The following SUCLG1 variants were observed in gnomAD, a reference collection of about 807,000 sequenced individuals.
SUCLG1 encodes the protein succinate-CoA ligase GDP/ADP-forming subunit alpha.
A neutral mutation model predicts 37.3 loss-of-function variants in SUCLG1; 26 were observed. The observed-to-expected ratio is 0.70, with a 90% CI of 0.51 to 0.97. SUCLG1 has a LOEUF of 0.97. Ranked by LOEUF, SUCLG1 falls within the 50% of genes least tolerant of loss-of-function variation. SUCLG1 has a pLI of 0.00. For missense variants in SUCLG1, 433 were observed against 432.9 expected (o/e 1.00, Z 0.00); for synonymous variants, 163 against 155.6 (o/e 1.05, Z -0.36).
intron 7 of SUCLG1, chr2:84,426,413 A>C (rs1672536292): frequency 6.6e-6 from 1 of 152,280 alleles, no homozygotes; most frequent in South Asian, 2.1e-4. Context: ...TCAGGCCTGT[A>C]ATCCCAGCAT....
chr2:84,437,909 C>T (rs936280223), intron 5 of SUCLG1, among the ~76,000 whole-genome samples: 1 of 152,184 alleles, frequency 6.6e-6, no homozygotes, highest in African/African-American at 2.4e-5. Context: ...TGATACACAA[C>T]AAGCTGGATG....
At chr2:84,448,170 G>GAAAAAAAAAAAAAAAA (rs60206307) in intron 2 of SUCLG1, among the ~76,000 whole-genome samples, 2 of 137,712 alleles carry the variant, frequency 1.5e-5, no homozygotes, top group African/African-American at 2.7e-5. Flanking sequence ...AGTTATTTCA[G>GAAAAAAAAAAAAAAAA]AAAAAAAAAA....
At chr2:84,428,830 C>G (rs1281248489) in intron 7 of SUCLG1, among the ~76,000 whole-genome samples, 1 of 152,128 alleles carries the variant, frequency 6.6e-6, no homozygotes, top group African/African-American at 2.4e-5. Context: ...GACTCTTTGT[C>G]CTTAACTCCT....
At position 84,443,404 on chromosome 2, in the gene SUCLG1, A is replaced by G. The variant is rs141973418; in HGVS notation, c.202-4T>C. On this transcript the variant is annotated splice_polypyrimidine_tract_variant and splice_region_variant and intron_variant, in intron 2 of 8. Transcript: ENST00000393868. ...CCTGCTGGCTGTGAAAGGTGCCCTG[A>G]GGGGAAAAAGCACAAGATCCATGAG... The G allele has an allele frequency of 5.3e-4, 853 of 1,613,882 alleles. 10 individuals are homozygous for G. In the East Asian group the frequency reaches 0.014, roughly 27 times the overall value.
intron 1 of SUCLG1, among the ~76,000 whole-genome samples, chr2:84,452,132 T>C (rs1672951341): frequency 6.6e-6 from 1 of 151,478 alleles, no homozygotes; most frequent in South Asian, 2.1e-4. Flanking sequence ...ACAATCTATC[T>C]GAACTCATAT....
chr2:84,437,610 CACTGGATAGCAATTTAGCAGTTTCTTAA>C (rs1331972173), intron 5 of SUCLG1, among the ~76,000 whole-genome samples: 4 of 152,204 alleles, frequency 2.6e-5, no homozygotes, highest in Admixed American at 6.5e-5. Flanking sequence ...GGCACAGCTA[CACTGGATAGCAATTTAGCAGTTTCTTAA>C]ACTGGATAGC....
chr2:84,448,298 C>T (rs948083978), intron 2 of SUCLG1, among the ~76,000 whole-genome samples: 1 of 151,884 alleles, frequency 6.6e-6, no homozygotes, highest in Non-Finnish European at 1.5e-5. Context: ...TATTGGAACG[C>T]ACCCAGGCCC....
intron 5 of SUCLG1, among the ~76,000 whole-genome samples, chr2:84,440,072 G>T (rs1224367513): frequency 6.6e-6 from 1 of 152,116 alleles, no homozygotes; most frequent in Non-Finnish European, 1.5e-5. Flanking sequence ...CAGTAGAATG[G>T]CTACATTTAA....
chr2:84,445,985 G>A (rs780610210), intron 2 of SUCLG1, among the ~76,000 whole-genome samples: 8 of 152,190 alleles, frequency 5.3e-5, no homozygotes, highest in Admixed American at 3.3e-4. Context: ...CTCCAGCCAC[G>A]CTGGCCTTGT....
At chr2:84,448,985 C>A in intron 2 of SUCLG1, 1 of 383,790 alleles carries the variant, frequency 2.6e-6, no homozygotes, top group Non-Finnish European at 5.4e-6. Flanking sequence ...AAAGAAGATT[C>A]TTATGTGGCA....
intron 2 of SUCLG1, among the ~76,000 whole-genome samples, chr2:84,447,286 A>T (rs1383798129): frequency 8.1e-6 from 1 of 123,120 alleles, no homozygotes; most frequent in East Asian, 2.5e-4. Flanking sequence ...GGCAATTAAC[A>T]CTCTCACTTA....
rs753622816 is a variant in SUCLG1 at position 84,441,306 on chromosome 2, T to C, written c.472A>G (p.Lys158Glu). Reference sequence around the variant, plus strand: ...CTTGTCTTTTCCTGGCGCAGCAGTTTGTGCTTGACTCGTACCATGTCCTGC... The same window carrying C: ...CTTGTCTTTTCCTGGCGCAGCAGTTCGTGCTTGACTCGTACCATGTCCTGC... ...PQQDMVRVKH[K>E]LLRQEKTRLI... Residue 158 changes from lysine to glutamate, a missense_variant, in exon 4 of 9, where the codon AAA becomes GAA. Lys to Glu is a moderately conservative substitution (Grantham distance 56). Transcript: ENST00000393868. The C allele has an allele frequency of 1.7e-5, 27 of 1,614,174 alleles. No individual in the cohort carries two copies. The South Asian group carries it at 2.9e-4, about 17-fold the overall frequency.
intron 1 of SUCLG1, among the ~76,000 whole-genome samples, chr2:84,458,093 G>C (rs1252106261): frequency 6.6e-6 from 1 of 151,624 alleles, no homozygotes; most frequent in Non-Finnish European, 1.5e-5. Flanking sequence ...TTACATACGA[G>C]ATGCTTTATA....
intron 1 of SUCLG1, among the ~76,000 whole-genome samples, chr2:84,454,027 G>A (rs1672983377): frequency 6.6e-6 from 1 of 152,190 alleles, no homozygotes. Flanking sequence ...CTGCCCCTGG[G>A]AGGCTGTGAT....
chr2:84,455,379 A>G (rs1244385773), intron 1 of SUCLG1, among the ~76,000 whole-genome samples: 1 of 152,192 alleles, frequency 6.6e-6, no homozygotes, highest in Non-Finnish European at 1.5e-5. Context: ...CTGTAATCCC[A>G]GCTAGTCGGG....
At chr2:84,435,933 G>C (rs1370809016) in intron 5 of SUCLG1, among the ~76,000 whole-genome samples, 1 of 152,190 alleles carries the variant, frequency 6.6e-6, no homozygotes, top group Non-Finnish European at 1.5e-5. Flanking sequence ...TCCTCTCTTT[G>C]AATGCATTTT....
chr2:84,433,586 T>C (rs1161402761), intron 5 of SUCLG1, 151 bp from the exon 6 acceptor site: 12 of 698,926 alleles, frequency 1.7e-5, no homozygotes, highest in Non-Finnish European at 2.5e-5. Flanking sequence ...CTTCAAACGA[T>C]GAAATGAAAA....
At chr2:84,429,800 A>G (rs1672589864) in intron 7 of SUCLG1, among the ~76,000 whole-genome samples, 1 of 152,200 alleles carries the variant, frequency 6.6e-6, no homozygotes, top group South Asian at 2.1e-4. Flanking sequence ...AGAAGGGCAG[A>G]TAATTTGGGT....
chr2:84,433,561 CA>C, intron 5 of SUCLG1, 126 bp from the exon 6 acceptor site: 5 of 793,034 alleles, frequency 6.3e-6, no homozygotes, highest in Non-Finnish European at 1.1e-5. Flanking sequence ...GATTTGCCAT[CA>C]AAATCAATAG....
Sources: gnomAD v4.1 joint callset for allele counts (sites outside exome capture counted in the v4.1 genomes callset) on GRCh38, gnomAD v4.1.1 for gene constraint, MANE v1.5 for transcripts, NCBI Gene and HGNC (gene_info 2026-07-23, HGNC 2026-07-21) for gene names.